LCLAT1: variants seen among roughly 807,000 people sequenced by gnomAD.
The protein encoded by LCLAT1 is 1-AGP acyltransferase 8.
In LCLAT1, 11 loss-of-function variants were observed where a neutral mutation model predicts 30.7. The observed-to-expected ratio is 0.36, with a 90% confidence interval of 0.23 to 0.59. The LOEUF (loss-of-function observed/expected upper bound fraction) is 0.59, where lower values mean the gene tolerates loss of function less well. LCLAT1 is among the 20% of genes least tolerant of loss of function. The pLI is 0.77. For synonymous variants in LCLAT1, 155 were observed against 151.3 expected, an observed-to-expected ratio of 1.02 and a Z score of -0.18; for missense variants, 402 against 458.6, an observed-to-expected ratio of 0.88 and a Z score of 1.13.
At chr2:30,534,798 C>T (rs544347230) in intron 3 of LCLAT1, among the ~76,000 whole-genome samples, 1 of 152,200 alleles carries the variant, frequency 6.6e-6, no homozygotes, top group African/African-American at 2.4e-5. Context: ...TTACCATCCT[C>T]AAAGATTCTA....
intron 5 of LCLAT1, among the ~76,000 whole-genome samples, chr2:30,639,013 A>G (rs569638657): frequency 6.6e-6 from 1 of 152,264 alleles, no homozygotes; most frequent in South Asian, 2.1e-4. Flanking sequence ...GCAGAGAGTA[A>G]TCTTTGCTAA....
intron 3 of LCLAT1, among the ~76,000 whole-genome samples, chr2:30,549,613 A>ATG (rs1664589673): frequency 1.3e-5 from 2 of 152,202 alleles, no homozygotes; most frequent in African/African-American, 4.8e-5. Flanking sequence ...ATAATAATAG[A>ATG]AAAGATATGC....
chr2:30,600,444 C>CAACTA (rs1381842528), intron 5 of LCLAT1, among the ~76,000 whole-genome samples: 1 of 152,112 alleles, frequency 6.6e-6, no homozygotes, highest in Non-Finnish European at 1.5e-5. Flanking sequence ...CCTAACATCA[C>CAACTA]AACTAAAAGA....
At chr2:30,636,216 C>T (rs1376680637) in intron 5 of LCLAT1, among the ~76,000 whole-genome samples, 4 of 152,046 alleles carry the variant, frequency 2.6e-5, no homozygotes, top group Non-Finnish European at 2.9e-5. Flanking sequence ...GTGAAATATT[C>T]GTTAGAATAT....
At chr2:30,487,752 G>A (rs1313127724) in intron 1 of LCLAT1, among the ~76,000 whole-genome samples, 1 of 152,176 alleles carries the variant, frequency 6.6e-6, no homozygotes, top group Non-Finnish European at 1.5e-5. Flanking sequence ...GCAGAGTCCT[G>A]TCTGAGAGAG....
At position 30,525,721 on chromosome 2, in the gene LCLAT1, A is replaced by G. The variant is rs116243478; in HGVS notation, c.131A>G (p.Asn44Ser). Residue 44 changes from asparagine to serine, a missense_variant, in exon 2 of 6, where the codon AAC becomes AGC. By Grantham distance (46) the Asn-to-Ser change is conservative. Transcript: ENST00000379509. ...VNPSWYRWIN[N>S]RLVATWLTLP... is the part of the protein sequence containing the mutation. ...CCATCTTGGTATCGCTGGATCAACAACCGCCTTGTGGCAACATGGCTCACC... is the reference window on the plus strand; with the variant it reads ...CCATCTTGGTATCGCTGGATCAACAGCCGCCTTGTGGCAACATGGCTCACC... The G allele has an allele frequency of 1.4e-3, 2,267 of 1,614,068 alleles. 26 individuals are homozygous for G. The African/African-American group carries it at 0.024, about 17-fold the overall frequency.
chr2:30,623,200 C>T (rs947564861), intron 5 of LCLAT1, among the ~76,000 whole-genome samples: 2 of 151,856 alleles, frequency 1.3e-5, no homozygotes, highest in African/African-American at 4.8e-5. Flanking sequence ...ACTACAGGCG[C>T]CTGTCACCAC....
At chr2:30,467,689 T>A (rs1471927141) in intron 1 of LCLAT1, among the ~76,000 whole-genome samples, 2 of 152,244 alleles carry the variant, frequency 1.3e-5, no homozygotes, top group Non-Finnish European at 2.9e-5. Flanking sequence ...TGATGGCCAG[T>A]GATGATGAGC....
At position 30,640,679 on chromosome 2, in the gene LCLAT1, C is replaced by T; in HGVS notation, c.*60C>T. Reference sequence around the variant, plus strand: ...TATTTTGGAAATGTTCTAAACCTTTCTAAGCTCAGATGCATTTTTGCATGA... The same window carrying T: ...TATTTTGGAAATGTTCTAAACCTTTTTAAGCTCAGATGCATTTTTGCATGA... On this transcript the variant is annotated 3_prime_UTR_variant, in exon 6 of 6. Transcript: ENST00000379509. 2 of 1,509,570 alleles carry T rather than the reference C, an allele frequency of 1.3e-6. No individual in the cohort carries two copies. Among genetic ancestry groups the T allele is most frequent in the Non-Finnish European group, 1.8e-6 (2 of 1,132,324 alleles). 93.5% of individuals were successfully genotyped at this position (1,509,570 alleles called of 1,614,324 possible).
At chr2:30,462,572 A>G (rs1394440949) in intron 1 of LCLAT1, among the ~76,000 whole-genome samples, 19 of 152,178 alleles carry the variant, frequency 1.2e-4, no homozygotes, top group Admixed American at 4.6e-4. Flanking sequence ...TATCTGGGGG[A>G]AACTTCTGAA....
intron 5 of LCLAT1, among the ~76,000 whole-genome samples, chr2:30,623,578 GA>G (rs879663078): frequency 2.4e-4 from 36 of 148,206 alleles, no homozygotes; most frequent in East Asian, 7.9e-4. Flanking sequence ...AAGAATGGGG[GA>G]AAAAAAAAAC....
At chr2:30,512,540 C>T (rs527746495) in intron 1 of LCLAT1, among the ~76,000 whole-genome samples, 2 of 152,298 alleles carry the variant, frequency 1.3e-5, no homozygotes, top group East Asian at 3.9e-4. Context: ...CAGATAGCCT[C>T]TTTGTGGCAT....
chr2:30,526,500 C>T (rs1685729028), intron 2 of LCLAT1, among the ~76,000 whole-genome samples: 1 of 152,058 alleles, frequency 6.6e-6, no homozygotes, highest in African/African-American at 2.4e-5. Flanking sequence ...TGAGATTTCT[C>T]ATCTATTTAT....
At chr2:30,451,054 A>T (rs936489875) in intron 1 of LCLAT1, among the ~76,000 whole-genome samples, 1 of 152,232 alleles carries the variant, frequency 6.6e-6, no homozygotes, top group Non-Finnish European at 1.5e-5. Context: ...AAATGCATAG[A>T]TGTCTTGAAC....
At chr2:30,508,495 T>G (rs1249579739) in intron 1 of LCLAT1, among the ~76,000 whole-genome samples, 2 of 152,060 alleles carry the variant, frequency 1.3e-5, no homozygotes, top group Non-Finnish European at 2.9e-5. Flanking sequence ...CTAGAACCAT[T>G]TATTGAATAG....
At chr2:30,484,656 G>A (rs1423587820) in intron 1 of LCLAT1, among the ~76,000 whole-genome samples, 2 of 152,030 alleles carry the variant, frequency 1.3e-5, no homozygotes, top group Non-Finnish European at 1.5e-5. Flanking sequence ...AGGAAAGCTT[G>A]GCCACACATT....
In LCLAT1 at chr2:30,459,033, G is replaced by T. The variant is rs541743650; in HGVS notation, c.-5+11650G>T. ...TTAAAGTTTTATGCAAAATAAAATG[G>T]TTTTTGTAATTTGGCAGTAGAATCA... On this transcript the variant is annotated intron_variant, in intron 1 of 5. Transcript: ENST00000379509. 1.2e-4 allele frequency among the ~76,000 whole-genome samples: 19 copies of T among 152,312 alleles called. 1 individual carries two copies. In the South Asian group the frequency reaches 3.9e-3, roughly 32 times the overall value.
chr2:30,570,005 A>G (rs1175437998), intron 5 of LCLAT1, among the ~76,000 whole-genome samples: 1 of 152,082 alleles, frequency 6.6e-6, no homozygotes, highest in Non-Finnish European at 1.5e-5. Context: ...TATGGCATGT[A>G]ACTTAGACTC....
intron 5 of LCLAT1, among the ~76,000 whole-genome samples, chr2:30,574,855 G>C (rs1362169047): frequency 6.6e-6 from 1 of 152,194 alleles, no homozygotes; most frequent in African/African-American, 2.4e-5. Flanking sequence ...AGCTTACTGA[G>C]ATTTCACACA....
Sources: allele counts gnomAD v4.1 joint callset (sites outside exome capture counted in the v4.1 genomes callset), GRCh38; gene constraint gnomAD v4.1.1; transcripts MANE v1.5; gene names NCBI Gene and HGNC (gene_info 2026-07-23, HGNC 2026-07-21).